Variants in LRIF1 observed in about 807,000 individuals in gnomAD.
The protein encoded by LRIF1 is ligand-dependent nuclear receptor-interacting factor 1.
In LRIF1, 32 loss-of-function variants were observed where a neutral mutation model predicts 52.7. That is an observed-to-expected ratio of 0.61 (90% CI 0.46 to 0.82). The LOEUF (loss-of-function observed/expected upper bound fraction) is 0.82. Among genes scored for constraint, LRIF1 ranks in the 40% least tolerant of loss-of-function variants. The pLI is 0.00. For synonymous variants in LRIF1, 323 were observed against 317.4 expected (o/e 1.02, Z -0.19); for missense variants, 887 against 892.0 (o/e 0.99, Z 0.07).
chr1:110,946,836 T>C (rs1462404205), downstream of LRIF1, among the ~76,000 whole-genome samples: 1 of 152,082 alleles, frequency 6.6e-6, no homozygotes, highest in Admixed American at 6.5e-5. Context: ...TTTGTATTTT[T>C]AGTAGAGACA....
chr1:110,959,736 CAAAA>C (rs11320169), intron 1 of LRIF1, among the ~76,000 whole-genome samples: 4 of 56,350 alleles, frequency 7.1e-5, no homozygotes, highest in African/African-American at 3.2e-4. Context: ...GACTCCATCT[CAAAA>C]AAAAAAAAAA....
At chr1:110,942,449 C>T (rs1277222378), downstream of LRIF1, 1 of 151,918 alleles carries the variant, frequency 6.6e-6, no homozygotes, top group East Asian at 1.9e-4. Flanking sequence ...GTCCTTTCTC[C>T]TTCCTTAAAT....
chr1:110,893,386 G>A, the LRIF1 span, among the ~76,000 whole-genome samples: 1 of 152,154 alleles, frequency 6.6e-6, no homozygotes, highest in Non-Finnish European at 1.5e-5. Flanking sequence ...GCAATGGCAT[G>A]ATCTCAGCTC....
the LRIF1 span, chr1:110,939,803 TC>T: frequency 2.6e-5 from 4 of 152,132 alleles, no homozygotes; most frequent in African/African-American, 9.7e-5. Flanking sequence ...GAAACTAGAC[TC>T]CTATTTCTCG....
rs1277553539 is a variant in LRIF1, at chr1:110,951,515, G to C, written c.1369C>G (p.Pro457Ala). The change falls in exon 2 of 4, where the codon CCA becomes GCA. Residue 457 changes from proline to alanine, a missense_variant. Transcript: ENST00000369763. ...VEKPSPSTTN[P>A]HMNQSSNYLK... Reference sequence around the variant, plus strand: ...TAGTTACTGGATTGGTTCATATGTGGATTTGTGGTAGAAGGAGATGGTTTC... The same window carrying C: ...TAGTTACTGGATTGGTTCATATGTGCATTTGTGGTAGAAGGAGATGGTTTC... The C allele has an allele frequency of 3.7e-6, 6 of 1,614,030 alleles. No homozygotes were observed. The highest frequency in any genetic ancestry group is 1.3e-5 in the African/African-American group (1 of 74,920).
intron 1 of LRIF1, among the ~76,000 whole-genome samples, chr1:110,957,667 A>T (rs1399570901): frequency 1.3e-5 from 2 of 152,060 alleles, no homozygotes; most frequent in Non-Finnish European, 2.9e-5. Context: ...AGTTAAAATT[A>T]CTCTCTATTG....
the LRIF1 span, among the ~76,000 whole-genome samples, chr1:110,883,087 C>G: frequency 6.6e-6 from 1 of 151,916 alleles, no homozygotes; most frequent in Non-Finnish European, 1.5e-5. Flanking sequence ...AACTCCAGTA[C>G]AATGCCAAAT....
At chr1:110,908,271 TTTAAAGA>T in the LRIF1 span, among the ~76,000 whole-genome samples, 1 of 152,184 alleles carries the variant, frequency 6.6e-6, no homozygotes, top group African/African-American at 2.4e-5. Flanking sequence ...AGACAATAAC[TTTAAAGA>T]TTAAAGGAAC....
chr1:110,912,061 C>T, the LRIF1 span, among the ~76,000 whole-genome samples: 1 of 152,286 alleles, frequency 6.6e-6, no homozygotes, highest in East Asian at 1.9e-4. Context: ...ACAAGTCAAA[C>T]TATCTCTCTT....
chr1:110,886,230 C>A, the LRIF1 span, among the ~76,000 whole-genome samples: 3 of 152,084 alleles, frequency 2.0e-5, no homozygotes, highest in South Asian at 2.1e-4. Context: ...CTTATCCTTA[C>A]AATTGTTCCT....
the LRIF1 span, among the ~76,000 whole-genome samples, chr1:110,888,219 C>T: frequency 6.6e-6 from 1 of 152,168 alleles, no homozygotes; most frequent in African/African-American, 2.4e-5. Flanking sequence ...ATTTGCGTTG[C>T]TAAGGCACGA....
intron 1 of LRIF1, among the ~76,000 whole-genome samples, chr1:110,959,307 ATC>A (rs1658850478): frequency 6.6e-6 from 1 of 152,230 alleles, no homozygotes. Context: ...TCCTCTTTGA[ATC>A]TGTTTCTTCA....
the LRIF1 span, among the ~76,000 whole-genome samples, chr1:110,932,035 G>A: frequency 6.6e-6 from 1 of 152,136 alleles, no homozygotes; most frequent in African/African-American, 2.4e-5. Flanking sequence ...TGCTTTTGGT[G>A]TTTTAGTCAT....
chr1:110,911,549 A>G, the LRIF1 span, among the ~76,000 whole-genome samples: 1 of 152,184 alleles, frequency 6.6e-6, no homozygotes, highest in Non-Finnish European at 1.5e-5. Context: ...AGATAAAAAG[A>G]AAAAAGAAAA....
intron 1 of LRIF1, among the ~76,000 whole-genome samples, chr1:110,956,170 A>G (rs978211566): frequency 1.4e-4 from 22 of 152,238 alleles, no homozygotes; most frequent in South Asian, 6.2e-4. Flanking sequence ...AGTCTTCGTG[A>G]AGGAGTAAAC....
intron 1 of LRIF1, among the ~76,000 whole-genome samples, chr1:110,954,553 GA>G (rs1658617143): frequency 6.6e-6 from 1 of 152,100 alleles, no homozygotes; most frequent in Non-Finnish European, 1.5e-5. Context: ...TAAACCCAAA[GA>G]AAAGGATGAA....
the LRIF1 span, among the ~76,000 whole-genome samples, chr1:110,925,986 C>T: frequency 6.6e-6 from 1 of 151,370 alleles, no homozygotes; most frequent in East Asian, 1.9e-4. Context: ...TGGAGAAAAC[C>T]ACAAAATTTT....
At chr1:110,955,668 GA>G (rs1428261110) in intron 1 of LRIF1, among the ~76,000 whole-genome samples, 1 of 152,188 alleles carries the variant, frequency 6.6e-6, no homozygotes, top group Non-Finnish European at 1.5e-5. Flanking sequence ...TGTGGTAGGG[GA>G]AAGAAGTTGC....
At chr1:110,879,029 G>GT in the LRIF1 span, among the ~76,000 whole-genome samples, 2,939 of 151,878 alleles carry the variant, frequency 0.019, 44 homozygotes, top group Admixed American at 0.03. Flanking sequence ...ATTTCTTTTT[G>GT]TTTTTTTATT....
Sources: gnomAD v4.1 joint callset for allele counts (sites outside exome capture counted in the v4.1 genomes callset) on GRCh38, gnomAD v4.1.1 for gene constraint, MANE v1.5 for transcripts, NCBI Gene and HGNC (gene_info 2026-07-23, HGNC 2026-07-21) for gene names.